The following LTBP1 variants were observed in gnomAD, a reference collection of about 807,000 sequenced individuals.
The protein encoded by LTBP1 is latent-transforming growth factor beta-binding protein 1.
Under a neutral mutation model 207.6 loss-of-function variants are expected in LTBP1, and 129 were observed. That is an observed-to-expected ratio of 0.62 (90% CI 0.54 to 0.72). The LOEUF is 0.72. Ranked by LOEUF, LTBP1 falls within the 30% of genes least tolerant of loss-of-function variation. LTBP1 has a pLI of 0.00. For missense variants in LTBP1, 2,281 were observed against 2,217.2 expected, an observed-to-expected ratio of 1.03 and a Z score of -0.58; for synonymous variants, 963 against 833.7, an observed-to-expected ratio of 1.16 and a Z score of -2.67.
At chr2:33,380,935 T>A (rs2095206750) in intron 31 of LTBP1, among the ~76,000 whole-genome samples, 1 of 152,092 alleles carries the variant, frequency 6.6e-6, no homozygotes, top group Admixed American at 6.6e-5. Context: ...AAAAAAAAAA[T>A]TTCAGCTTGT....
At chr2:33,350,077 C>G (rs1254984033) in intron 26 of LTBP1, among the ~76,000 whole-genome samples, 1 of 152,212 alleles carries the variant, frequency 6.6e-6, no homozygotes, top group Admixed American at 6.5e-5. Context: ...TGCTATTCCA[C>G]AGACCAAAAC....
chr2:33,232,989 C>G (rs192307597), intron 9 of LTBP1, among the ~76,000 whole-genome samples: 115 of 152,182 alleles, frequency 7.6e-4, no homozygotes, highest in African/African-American at 2.6e-3. Flanking sequence ...TTGAGATAAT[C>G]TCCTAATTCT....
intron 28 of LTBP1, among the ~76,000 whole-genome samples, chr2:33,362,924 C>T (rs1237164634): frequency 6.6e-6 from 1 of 152,112 alleles, no homozygotes. Flanking sequence ...GTCTGCTAAC[C>T]CCCTCAGCAA....
At chr2:32,948,152 T>G (rs1422465921) in intron 1 of LTBP1, among the ~76,000 whole-genome samples, 1 of 152,236 alleles carries the variant, frequency 6.6e-6, no homozygotes, top group Non-Finnish European at 1.5e-5. Context: ...TACAGTTTAA[T>G]CCCTCAGCAT....
intron 5 of LTBP1, among the ~76,000 whole-genome samples, chr2:33,175,635 C>T (rs923835788): frequency 3.9e-5 from 6 of 152,104 alleles, no homozygotes; most frequent in East Asian, 3.9e-4. Flanking sequence ...ACCATTGGAC[C>T]GAGCCATCCC....
At position 33,293,995 on chromosome 2, in the gene LTBP1, C is replaced by CTTTTTTTTTT. The variant is rs71409607; in HGVS notation, c.3235+732_3235+741dup. On this transcript the variant is annotated intron_variant, in intron 20 of 33. Transcript: ENST00000404816. ...ATTAGTGAACAAAACTGGTACAGGT[C>CTTTTTTTTTT]TTTTTTTTTTTTTTTTTTTTTTTTT... Among the ~76,000 whole-genome samples, 14 of 48,838 alleles carry CTTTTTTTTTT rather than the reference C, an allele frequency of 2.9e-4. 2 individuals carry two copies. Among genetic ancestry groups the CTTTTTTTTTT allele is most frequent in the African/African-American group, 1.1e-3 (13 of 11,544 alleles). 32.0% of individuals were successfully genotyped at this position (48,838 alleles called of 152,430 possible).
At chr2:33,396,562 T>G (rs2095360077) in intron 32 of LTBP1, among the ~76,000 whole-genome samples, 1 of 152,230 alleles carries the variant, frequency 6.6e-6, no homozygotes, top group Non-Finnish European at 1.5e-5. Flanking sequence ...TTCATCAGGA[T>G]GTTTTGAGGC....
intron 8 of LTBP1, among the ~76,000 whole-genome samples, chr2:33,220,244 C>T (rs2091012894): frequency 6.6e-6 from 1 of 152,192 alleles, no homozygotes. Context: ...GTTTTCCTTT[C>T]CTTGGTTGGG....
chr2:32,989,699 A>T (rs968244286), intron 2 of LTBP1, among the ~76,000 whole-genome samples: 2 of 152,198 alleles, frequency 1.3e-5, no homozygotes, highest in African/African-American at 4.8e-5. Context: ...CATTGTAGAC[A>T]TGCCATCATC....
intron 2 of LTBP1, among the ~76,000 whole-genome samples, chr2:32,998,053 C>G (rs1685547118): frequency 6.6e-6 from 1 of 152,124 alleles, no homozygotes; most frequent in East Asian, 1.9e-4. Flanking sequence ...GATATAAATT[C>G]TAGATTTGAG....
At chr2:33,076,696 C>T (rs562950286) in intron 3 of LTBP1, among the ~76,000 whole-genome samples, 16 of 152,048 alleles carry the variant, frequency 1.1e-4, no homozygotes, top group African/African-American at 1.7e-4. Flanking sequence ...ACCACCACGC[C>T]GAGCTAGTTT....
chr2:33,195,374 A>AT lies in LTBP1; in HGVS notation c.1701+6524dup, dbSNP rs1358797737. Among the ~76,000 whole-genome samples, 7 of 152,228 alleles carry AT rather than the reference A, an allele frequency of 4.6e-5. No homozygotes were observed. The South Asian group carries it at 8.3e-4, about 18-fold the overall frequency. On this transcript the variant is annotated intron_variant, in intron 7 of 33. Coordinates refer to ENST00000404816, the MANE Select transcript of LTBP1 (RefSeq NM_206943.4). ...TCATGATACATGGGAGGAGGTCAAA[A>AT]TATCAGCATTAAAGATATTTAATTA...
chr2:33,290,956 C>T lies in LTBP1; in HGVS notation c.3113-2204C>T, dbSNP rs188216905. On this transcript the variant is annotated intron_variant, in intron 19 of 33. Transcript: ENST00000404816. The stretch of plus-strand genomic sequence containing the variant: ...CATTTGCATCCACCAAGTGTTTTTA[C>T]GTGTGGTTCCTCTCTGGAGACCTTC... Among the ~76,000 whole-genome samples, 16 of 152,330 alleles carry T rather than the reference C, an allele frequency of 1.1e-4. No individual in the cohort carries two copies. The East Asian group carries it at 2.7e-3, about 26-fold the overall frequency.
intron 3 of LTBP1, among the ~76,000 whole-genome samples, chr2:33,084,755 C>T (rs941059368): frequency 1.3e-5 from 2 of 152,200 alleles, no homozygotes; most frequent in African/African-American, 4.8e-5. Flanking sequence ...TACCACCTGA[C>T]ACCCTTGACT....
At chr2:33,358,255 ATTATTGATTATTTCCCT>A (rs2094888019) in intron 26 of LTBP1, among the ~76,000 whole-genome samples, 1 of 152,066 alleles carries the variant, frequency 6.6e-6, no homozygotes, top group African/African-American at 2.4e-5. Flanking sequence ...TTATAGTTAC[ATTATTGATTATTTCCCT>A]TATGGGAAAT....
intron 5 of LTBP1, among the ~76,000 whole-genome samples, chr2:33,176,374 C>T (rs1013899696): frequency 7.2e-5 from 11 of 152,020 alleles, no homozygotes; most frequent in Admixed American, 3.3e-4. Flanking sequence ...TACAGGCGCC[C>T]GCCACCACGC....
At chr2:32,982,226 A>G (rs1321921124) in intron 2 of LTBP1, among the ~76,000 whole-genome samples, 3 of 152,192 alleles carry the variant, frequency 2.0e-5, no homozygotes, top group Non-Finnish European at 4.4e-5. Flanking sequence ...GATTCTTGTT[A>G]CACTTAAAAA....
intron 3 of LTBP1, among the ~76,000 whole-genome samples, chr2:33,089,715 T>C (rs1168011091): frequency 6.6e-6 from 1 of 152,258 alleles, no homozygotes; most frequent in African/African-American, 2.4e-5. Flanking sequence ...AAGTGAATTT[T>C]CTTATTTCTT....
chr2:32,978,501 A>G (rs549408223), intron 2 of LTBP1, among the ~76,000 whole-genome samples: 40 of 152,284 alleles, frequency 2.6e-4, no homozygotes, highest in Middle Eastern at 6.8e-3. Context: ...ATGATGTATC[A>G]CATTGATTTG....
Sources: allele counts gnomAD v4.1 joint callset (sites outside exome capture counted in the v4.1 genomes callset), GRCh38; gene constraint gnomAD v4.1.1; transcripts MANE v1.5; gene names NCBI Gene and HGNC (gene_info 2026-07-23, HGNC 2026-07-21).